Variants in GRIK4 observed in about 807,000 individuals in gnomAD.
GRIK4 encodes the protein glutamate receptor ionotropic, kainate 4.
In GRIK4, 40 loss-of-function variants were observed where a neutral mutation model predicts 104.9. The observed-to-expected ratio is 0.38, with a 90% CI of 0.30 to 0.50. The LOEUF is 0.50. Ranked by LOEUF, GRIK4 falls within the 20% of genes least tolerant of loss-of-function variation. The probability of loss-of-function intolerance (pLI) is 0.93; values close to 1 mark genes in which losing one functional copy is unlikely to be tolerated. For synonymous variants in GRIK4, 485 were observed against 524.9 expected, an observed-to-expected ratio of 0.92 and a Z score of 1.04; for missense variants, 1,047 against 1,308.1, an observed-to-expected ratio of 0.80 and a Z score of 3.08.
At chr11:120,610,288 C>T (rs922425038) in intron 1 of GRIK4, among the ~76,000 whole-genome samples, 4 of 152,160 alleles carry the variant, frequency 2.6e-5, no homozygotes, top group Admixed American at 6.5e-5. Context: ...ATGCATTTAG[C>T]GTTTGGAAGT....
intron 3 of GRIK4, among the ~76,000 whole-genome samples, chr11:120,734,633 C>T (rs572601422): frequency 6.6e-6 from 1 of 152,268 alleles, no homozygotes; most frequent in South Asian, 2.1e-4. Context: ...AAACTTTCTA[C>T]CCCTGTCTAT....
rs1005172498 is a variant in GRIK4, at chr11:120,988,800, C to G, written c.*2540C>G. The G allele has an allele frequency of 9.2e-5, 14 of 152,170 alleles. No individual in the cohort carries two copies. Among genetic ancestry groups the G allele is most frequent in the Non-Finnish European group, 1.8e-4 (12 of 68,038 alleles). 9.4% of individuals were successfully genotyped at this position (152,170 alleles called of 1,614,324 possible). The stretch of plus-strand genomic sequence containing the variant: ...ATTTACAATAAAACAGAAACAAATC[C>G]TGAAATGTTAGTGATGGATGACAGC... On this transcript the variant is annotated 3_prime_UTR_variant, in exon 21 of 21. Transcript: ENST00000527524.
At chr11:120,624,808 C>A (rs141244846) in intron 1 of GRIK4, among the ~76,000 whole-genome samples, 1 of 152,210 alleles carries the variant, frequency 6.6e-6, no homozygotes, top group East Asian at 1.9e-4. Flanking sequence ...CTGCCTGCTG[C>A]TCCAGGAAAG....
At chr11:120,796,786 C>T (rs1952526954) in intron 3 of GRIK4, among the ~76,000 whole-genome samples, 1 of 151,476 alleles carries the variant, frequency 6.6e-6, no homozygotes, top group Admixed American at 6.6e-5. Flanking sequence ...GACAGCTCTT[C>T]AGAGAGTGGG....
At chr11:120,787,915 T>G (rs978793756) in intron 3 of GRIK4, among the ~76,000 whole-genome samples, 1 of 127,998 alleles carries the variant, frequency 7.8e-6, no homozygotes, top group Non-Finnish European at 1.6e-5. Flanking sequence ...CAGGCTGGAG[T>G]GCAGTGGCAT....
rs185849357 is a variant in GRIK4 at position 120,846,680 on chromosome 11, G to C, written c.744+9836G>C. ...TTGGAATTGGCGTCAGTAGGCCCAG[G>C]GTCTTGTTTTGGCTGTCCCACTGAC... is the stretch of plus-strand genomic sequence containing the variant. On this transcript the variant is annotated intron_variant, in intron 8 of 20. Coordinates refer to ENST00000527524, the MANE Select transcript of GRIK4 (RefSeq NM_014619.5). 4.6e-5 allele frequency among the ~76,000 whole-genome samples: 7 copies of C among 152,276 alleles called. No homozygotes were observed. In the East Asian group the frequency reaches 1.2e-3, roughly 25 times the overall value.
At chr11:120,847,221 A>G (rs1464012341) in intron 8 of GRIK4, among the ~76,000 whole-genome samples, 1 of 152,070 alleles carries the variant, frequency 6.6e-6, no homozygotes, top group Non-Finnish European at 1.5e-5. Flanking sequence ...AGTCAGGAGT[A>G]GAGAGAGGAG....
intron 3 of GRIK4, among the ~76,000 whole-genome samples, chr11:120,747,103 C>T (rs1460486083): frequency 1.3e-5 from 2 of 152,264 alleles, no homozygotes; most frequent in African/African-American, 2.4e-5. Context: ...TGCGTGCTGT[C>T]GCCAAACTCT....
In GRIK4 at chr11:120,713,810, C is replaced by T. The variant is rs530791486; in HGVS notation, c.82+53410C>T. Among the ~76,000 whole-genome samples, 4 of 152,270 alleles carry T rather than the reference C, an allele frequency of 2.6e-5. No homozygotes were observed. In the East Asian group the frequency reaches 7.7e-4, roughly 29 times the overall value. On this transcript the variant is annotated intron_variant, in intron 3 of 20. Coordinates refer to ENST00000527524, the MANE Select transcript of GRIK4 (RefSeq NM_014619.5). ...TAGGTGACTGCTTTGCTAGCTTTAT[C>T]TCTTCACAGCAGCTTTGGAAGATAG...
rs560359275 is a variant in GRIK4 at position 120,517,683 on chromosome 11, C to T, written c.-159+5796C>T. Among the ~76,000 whole-genome samples, 20 of 152,186 alleles carry T rather than the reference C, an allele frequency of 1.3e-4. 1 individual carries two copies. The highest frequency in any genetic ancestry group is 2.5e-4 in the Non-Finnish European group (17 of 68,018). On this transcript the variant is annotated intron_variant, in intron 1 of 20. Transcript: ENST00000527524. The stretch of plus-strand genomic sequence containing the variant: ...GGGCTAGGATTGCTGCCTCGATTTC[C>T]GCCCTATAAACAAAGGCATAGAGTA...
intron 1 of GRIK4, among the ~76,000 whole-genome samples, chr11:120,565,723 C>A (rs1450087138): frequency 1.3e-5 from 2 of 152,198 alleles, no homozygotes; most frequent in Non-Finnish European, 2.9e-5. Flanking sequence ...GCAGGCTTTG[C>A]CTCACTAATT....
chr11:120,680,658 A>T (rs1591798244), intron 3 of GRIK4, among the ~76,000 whole-genome samples: 1 of 152,230 alleles, frequency 6.6e-6, no homozygotes, highest in Non-Finnish European at 1.5e-5. Context: ...AATTGGGGCC[A>T]CATACTCACT....
intron 11 of GRIK4, among the ~76,000 whole-genome samples, chr11:120,889,991 C>G (rs1805065914): frequency 6.6e-6 from 1 of 152,044 alleles, no homozygotes; most frequent in African/African-American, 2.4e-5. Context: ...GGAAGGGGAG[C>G]TATTTTTATC....
intron 1 of GRIK4, among the ~76,000 whole-genome samples, chr11:120,584,908 T>C (rs923412261): frequency 1.3e-5 from 2 of 152,234 alleles, no homozygotes; most frequent in African/African-American, 4.8e-5. Flanking sequence ...TAAAGCCTAC[T>C]TGATCATGGT....
chr11:120,838,057 G>A (rs373813186), intron 8 of GRIK4, among the ~76,000 whole-genome samples: 2 of 152,222 alleles, frequency 1.3e-5, no homozygotes, highest in Non-Finnish European at 2.9e-5. Flanking sequence ...GACAGTCACC[G>A]GAATGAGGTG....
intron 1 of GRIK4, among the ~76,000 whole-genome samples, chr11:120,580,389 C>G (rs1948563617): frequency 6.6e-6 from 1 of 151,932 alleles, no homozygotes; most frequent in Non-Finnish European, 1.5e-5. Flanking sequence ...GATTCTCCTG[C>G]CTCAGCCTCC....
At chr11:120,810,045 A>G (rs1433264428) in intron 4 of GRIK4, among the ~76,000 whole-genome samples, 1 of 152,240 alleles carries the variant, frequency 6.6e-6, no homozygotes, top group Non-Finnish European at 1.5e-5. Context: ...AGCCTGAGTT[A>G]CAAAGTGAGA....
intron 3 of GRIK4, among the ~76,000 whole-genome samples, chr11:120,718,776 ACCTTGGTCCTG>A (rs1950881870): frequency 6.6e-6 from 1 of 152,176 alleles, no homozygotes; most frequent in South Asian, 2.1e-4. Flanking sequence ...GCCAGTACCA[ACCTTGGTCCTG>A]CCTTGACTTA....
intron 1 of GRIK4, among the ~76,000 whole-genome samples, chr11:120,564,108 A>G (rs1948275824): frequency 6.6e-6 from 1 of 152,140 alleles, no homozygotes; most frequent in South Asian, 2.1e-4. Context: ...GGCCTGAGGA[A>G]GGGCCCGGGC....
Sources: allele counts gnomAD v4.1 joint callset (sites outside exome capture counted in the v4.1 genomes callset), GRCh38; gene constraint gnomAD v4.1.1; transcripts MANE v1.5; gene names NCBI Gene and HGNC (gene_info 2026-07-23, HGNC 2026-07-21).